STON2: variants seen among roughly 807,000 people sequenced by gnomAD.
The protein encoded by STON2 is stonin 2, also known as stonin-2.
Under a neutral mutation model 65.7 loss-of-function variants are expected in STON2, and 29 were observed. The observed-to-expected ratio is 0.44, with a 90% confidence interval of 0.33 to 0.60. STON2 has a LOEUF of 0.60. STON2 is among the 20% of genes least tolerant of loss of function. STON2 has a pLI of 0.03. For synonymous variants in STON2, 404 were observed against 414.2 expected (o/e 0.98, Z 0.30); for missense variants, 1,054 against 1,118.1 (o/e 0.94, Z 0.82).
At chr14:81,342,253 G>C (rs1481830570) in intron 4 of STON2, among the ~76,000 whole-genome samples, 13 of 151,678 alleles carry the variant, frequency 8.6e-5, no homozygotes, top group Non-Finnish European at 1.8e-4. Flanking sequence ...TCCTGCCTTA[G>C]CCTCCTGAGT....
rs2140096954 is a variant in STON2 at position 81,269,542 on chromosome 14, C to A, written c.2785-1045G>T. 4.1e-6 allele frequency: 4 copies of A among 985,378 alleles called. No homozygotes were observed. In the African/African-American group the frequency reaches 5.2e-5, roughly 13 times the overall value. The allele number at this position is 985,378 out of a possible 1,614,324, so 61.0% of individuals were successfully genotyped here. A position where few individuals can be genotyped will look rare whatever the true frequency, so the allele number is the denominator to read the frequency against. ...ACTCTGGATATTTATGACGCTTGAC[C>A]TACAGGGTAATGATTCAACACACAA... On this transcript the variant is annotated intron_variant, in intron 7 of 7. Transcript: ENST00000614646.
chr14:81,267,172 A>G lies in STON2; in HGVS notation c.*1242T>C. On this transcript the variant is annotated 3_prime_UTR_variant, in exon 8 of 8. Coordinates refer to ENST00000614646, the MANE Select transcript of STON2 (RefSeq NM_001394390.1). ...AAGATACAAATAAGAAGCAGAGGTGAGTAGGAACGGATGAAGGAAAAGAAG... is the reference window on the plus strand; with the variant it reads ...AAGATACAAATAAGAAGCAGAGGTGGGTAGGAACGGATGAAGGAAAAGAAG... 3 of 985,440 alleles carry G rather than the reference A, an allele frequency of 3.0e-6. No individual in the cohort carries two copies. The highest frequency in any genetic ancestry group is 9.4e-5 in the South Asian group (2 of 21,286). 61.0% of individuals were successfully genotyped at this position (985,440 alleles called of 1,614,324 possible).
chr14:81,312,890 C>T (rs182125097), intron 5 of STON2, among the ~76,000 whole-genome samples: 215 of 152,330 alleles, frequency 1.4e-3, no homozygotes, highest in Admixed American at 3.2e-3. Flanking sequence ...TATTACACAA[C>T]GATGCCGGTA....
chr14:81,286,867 T>C (rs943164218), intron 5 of STON2, among the ~76,000 whole-genome samples: 1 of 152,210 alleles, frequency 6.6e-6, no homozygotes, highest in Non-Finnish European at 1.5e-5. Flanking sequence ...ACTGTCCAAG[T>C]TGAGATCAGA....
At chr14:81,420,343 G>T (rs1320584870) in intron 2 of STON2, among the ~76,000 whole-genome samples, 1 of 152,198 alleles carries the variant, frequency 6.6e-6, no homozygotes, top group African/African-American at 2.4e-5. Context: ...GATCTAATAG[G>T]TCTTATTGGA....
chr14:81,415,182 T>A (rs1277116720), intron 2 of STON2, among the ~76,000 whole-genome samples: 1 of 152,158 alleles, frequency 6.6e-6, no homozygotes, highest in Non-Finnish European at 1.5e-5. Flanking sequence ...TCATGACAGT[T>A]CACTTTTGCC....
At chr14:81,381,332 T>C (rs1481926069) in intron 3 of STON2, among the ~76,000 whole-genome samples, 1 of 151,882 alleles carries the variant, frequency 6.6e-6, no homozygotes, top group Non-Finnish European at 1.5e-5. Flanking sequence ...AAAAGAGAAA[T>C]TGAAAAAAAC....
chr14:81,307,700 GGAGAC>G (rs1896236683), intron 5 of STON2, among the ~76,000 whole-genome samples: 1 of 152,194 alleles, frequency 6.6e-6, no homozygotes, highest in Admixed American at 6.5e-5. Flanking sequence ...TCAATGTGAA[GGAGAC>G]GAGGATGATA....
intron 3 of STON2, among the ~76,000 whole-genome samples, chr14:81,391,430 T>C (rs1187922839): frequency 6.6e-6 from 1 of 152,154 alleles, no homozygotes; most frequent in African/African-American, 2.4e-5. Flanking sequence ...GTCTACATTA[T>C]CCATTATGTG....
chr14:81,401,668 T>G (rs1371938276), upstream of STON2, among the ~76,000 whole-genome samples: 1 of 152,196 alleles, frequency 6.6e-6, no homozygotes, highest in Non-Finnish European at 1.5e-5. Flanking sequence ...GAGTGGTGAC[T>G]CAGTATCAGC....
At chr14:81,288,059 G>A (rs1437659332) in intron 5 of STON2, among the ~76,000 whole-genome samples, 8 of 152,170 alleles carry the variant, frequency 5.3e-5, no homozygotes, top group South Asian at 2.1e-4. Flanking sequence ...TCAGTATTCT[G>A]CTTTATAAAT....
Position 81,312,921 on chromosome 14 carries a change from C to T in STON2, c.742+11096G>A, listed in dbSNP as rs544429475. ...CGGTAAGAATTCTATTTAAGAAACACGTCCTTGCTTGTAAGGCTCGGCAGT... is the reference window on the plus strand; with the variant it reads ...CGGTAAGAATTCTATTTAAGAAACATGTCCTTGCTTGTAAGGCTCGGCAGT... On this transcript the variant is annotated intron_variant, in intron 5 of 7. Coordinates refer to ENST00000614646, the MANE Select transcript of STON2 (RefSeq NM_001394390.1). Among the ~76,000 whole-genome samples, 12 of 152,364 alleles carry T rather than the reference C, an allele frequency of 7.9e-5. No individual in the cohort carries two copies. In the South Asian group the frequency reaches 8.3e-4, roughly 11 times the overall value.
intron 4 of STON2, among the ~76,000 whole-genome samples, chr14:81,356,444 AT>A (rs1898235889): frequency 6.6e-6 from 1 of 152,156 alleles, no homozygotes; most frequent in African/African-American, 2.4e-5. Flanking sequence ...ATCAATGTTC[AT>A]CAAGGATATT....
Position 81,266,068 on chromosome 14 carries a change from T to C in STON2, c.*2346A>G. 4 of 985,388 alleles carry C rather than the reference T, an allele frequency of 4.1e-6. No homozygotes were observed. The highest frequency in any genetic ancestry group is 4.8e-6 in the Non-Finnish European group (4 of 829,884). 61.0% of individuals were successfully genotyped at this position (985,388 alleles called of 1,614,324 possible). A position where few individuals can be genotyped will look rare whatever the true frequency, so the allele number is the denominator to read the frequency against. ...GAACTCCACTGTATTTCAAAGAGCA[T>C]GAAAAACCACTTATGAAGAAAAAGA... On this transcript the variant is annotated 3_prime_UTR_variant, in exon 8 of 8. Coordinates refer to ENST00000614646, the MANE Select transcript of STON2 (RefSeq NM_001394390.1).
chr14:81,279,312 G>A (rs1408997849), intron 5 of STON2, among the ~76,000 whole-genome samples: 1 of 152,140 alleles, frequency 6.6e-6, no homozygotes, highest in African/African-American at 2.4e-5. Flanking sequence ...CCCAAAAGAA[G>A]TCTGAGTAAA....
chr14:81,305,014 C>A (rs1450565952), intron 5 of STON2, among the ~76,000 whole-genome samples: 3 of 152,130 alleles, frequency 2.0e-5, no homozygotes, highest in Non-Finnish European at 4.4e-5. Flanking sequence ...ACTCCTAACA[C>A]CATACTGTAA....
upstream of STON2, among the ~76,000 whole-genome samples, chr14:81,403,973 G>T (rs1312542244): frequency 6.6e-6 from 1 of 152,138 alleles, no homozygotes; most frequent in Non-Finnish European, 1.5e-5. Context: ...TGAGGAAAGG[G>T]ACTTGATCTT....
intron 3 of STON2, among the ~76,000 whole-genome samples, chr14:81,387,190 C>T (rs115350902): frequency 0.013 from 2,008 of 149,494 alleles, 53 homozygotes; most frequent in African/African-American, 0.046. Context: ...CATGCTGGTT[C>T]TGCTCATGGT....
intron 4 of STON2, among the ~76,000 whole-genome samples, chr14:81,331,168 T>C (rs923126182): frequency 6.6e-6 from 1 of 152,218 alleles, no homozygotes; most frequent in African/African-American, 2.4e-5. Context: ...GCTTTTCTCT[T>C]TCTAAGATAA....
Sources: allele counts gnomAD v4.1 joint callset (sites outside exome capture counted in the v4.1 genomes callset), GRCh38; gene constraint gnomAD v4.1.1; transcripts MANE v1.5; gene names NCBI Gene and HGNC (gene_info 2026-07-23, HGNC 2026-07-21).